The following SPATA16 variants were observed in gnomAD, a reference collection of about 807,000 sequenced individuals.
SPATA16 encodes spermatogenesis associated 16, also known as spermatogenesis-associated protein 16.
SPATA16 carries 36 observed loss-of-function variants against 63.3 expected under a neutral mutation model. The observed-to-expected ratio is 0.57, with a 90% CI of 0.44 to 0.75. SPATA16 has a LOEUF of 0.75. Among genes scored for constraint, SPATA16 ranks in the 30% least tolerant of loss-of-function variants. The pLI, the probability that SPATA16 is intolerant of heterozygous loss-of-function variation, is 0.00. For missense variants in SPATA16, 646 were observed against 679.3 expected (o/e 0.95, Z 0.54); for synonymous variants, 203 against 216.7 (o/e 0.94, Z 0.56).
intron 3 of SPATA16, among the ~76,000 whole-genome samples, chr3:173,025,651 A>G (rs570261257): frequency 1.3e-5 from 2 of 151,956 alleles, no homozygotes; most frequent in Admixed American, 6.6e-5. Context: ...CCACTGATCT[A>G]TTTTCCAAAT....
chr3:172,976,822 T>A, intron 5 of SPATA16, 146 bp downstream of exon 5: 1 of 707,048 alleles, frequency 1.4e-6, no homozygotes, highest in Non-Finnish European at 2.5e-6. Flanking sequence ...ATCTACTTCG[T>A]TATGAATACA....
intron 4 of SPATA16, among the ~76,000 whole-genome samples, chr3:172,997,247 G>A (rs1577124315): frequency 6.6e-6 from 1 of 151,954 alleles, no homozygotes; most frequent in South Asian, 2.1e-4. Flanking sequence ...GTACCATTTT[G>A]CATTCCCACC....
At chr3:173,083,759 A>G (rs555318811) in intron 2 of SPATA16, among the ~76,000 whole-genome samples, 3 of 152,164 alleles carry the variant, frequency 2.0e-5, no homozygotes, top group African/African-American at 4.8e-5. Context: ...CTATTCCTGT[A>G]TTAGTTTGCT....
At chr3:173,089,735 T>C (rs558208889) in intron 2 of SPATA16, among the ~76,000 whole-genome samples, 2 of 151,948 alleles carry the variant, frequency 1.3e-5, no homozygotes, top group Admixed American at 1.3e-4. Context: ...GAATTGGAAA[T>C]AATGGGGATG....
chr3:172,920,391 A>C (rs1024298267), intron 8 of SPATA16, among the ~76,000 whole-genome samples: 3 of 152,234 alleles, frequency 2.0e-5, no homozygotes, highest in African/African-American at 7.2e-5. Context: ...CTGTACTTTA[A>C]AAAAGATATG....
intron 1 of SPATA16, among the ~76,000 whole-genome samples, chr3:173,126,416 G>A (rs1414812295): frequency 1.3e-5 from 2 of 152,148 alleles, no homozygotes; most frequent in Non-Finnish European, 1.5e-5. Context: ...AAACATAAAT[G>A]CAATCAGCTT....
intron 10 of SPATA16, among the ~76,000 whole-genome samples, chr3:172,892,719 T>C (rs1731918340): frequency 6.6e-6 from 1 of 152,118 alleles, no homozygotes; most frequent in African/African-American, 2.4e-5. Context: ...GTAAAGCCCT[T>C]AGGAAAATAA....
At chr3:173,109,318 G>A (rs1217208296) in intron 2 of SPATA16, among the ~76,000 whole-genome samples, 2 of 152,076 alleles carry the variant, frequency 1.3e-5, no homozygotes, top group Non-Finnish European at 2.9e-5. Flanking sequence ...CCCCTGCTGT[G>A]TCAATGGCTG....
At chr3:172,957,898 G>A (rs1733638435) in intron 5 of SPATA16, among the ~76,000 whole-genome samples, 1 of 152,152 alleles carries the variant, frequency 6.6e-6, no homozygotes, top group African/African-American at 2.4e-5. Context: ...ATTTCTTAGT[G>A]ACTTCAAATG....
intron 3 of SPATA16, among the ~76,000 whole-genome samples, chr3:173,022,085 T>C (rs1735345439): frequency 6.6e-6 from 1 of 151,854 alleles, no homozygotes; most frequent in African/African-American, 2.4e-5. Flanking sequence ...GGCATCAGAG[T>C]TGCTTTGGAT....
intron 6 of SPATA16, among the ~76,000 whole-genome samples, chr3:172,949,656 T>TA (rs1210202083): frequency 1.3e-5 from 2 of 152,114 alleles, no homozygotes; most frequent in Non-Finnish European, 2.9e-5. Context: ...GTTGAGCACT[T>TA]ACCTCACTCA....
chr3:173,000,018 A>G lies in SPATA16; in HGVS notation c.848+19468T>C, dbSNP rs565092359. 1.4e-4 allele frequency among the ~76,000 whole-genome samples: 21 copies of G among 152,258 alleles called. No homozygotes were observed. The South Asian group carries it at 4.4e-3, about 32-fold the overall frequency. On this transcript the variant is annotated intron_variant, in intron 4 of 10. Coordinates refer to ENST00000351008, the MANE Select transcript of SPATA16 (RefSeq NM_031955.6). ...AGGGGTTTTCTAATCTCCAGCTATAATAGTGGATTCATGTTGAAACTTAGT... is the reference window on the plus strand; with the variant it reads ...AGGGGTTTTCTAATCTCCAGCTATAGTAGTGGATTCATGTTGAAACTTAGT...
chr3:172,916,702 A>G (rs1732498351), intron 8 of SPATA16, among the ~76,000 whole-genome samples: 3 of 152,132 alleles, frequency 2.0e-5, no homozygotes, highest in African/African-American at 7.2e-5. Context: ...AACTGTTGAG[A>G]CGGATTTGCT....
chr3:172,953,089 G>A (rs1236567144), intron 6 of SPATA16, among the ~76,000 whole-genome samples: 1 of 152,008 alleles, frequency 6.6e-6, no homozygotes, highest in Non-Finnish European at 1.5e-5. Flanking sequence ...CACAATTAGA[G>A]CTTTGGTTTT....
chr3:173,060,700 A>G (rs1219773884), intron 2 of SPATA16, among the ~76,000 whole-genome samples: 1 of 152,198 alleles, frequency 6.6e-6, no homozygotes, highest in Admixed American at 6.6e-5. Flanking sequence ...ATTTGCCCCC[A>G]TTGATAGCAG....
At chr3:172,948,235 A>G (rs1733339325) in intron 6 of SPATA16, among the ~76,000 whole-genome samples, 1 of 152,210 alleles carries the variant, frequency 6.6e-6, no homozygotes, top group Non-Finnish European at 1.5e-5. Flanking sequence ...AAAAGCAGCA[A>G]GAGAAAAGAA....
chr3:172,998,372 AT>A (rs1008208623), intron 4 of SPATA16, among the ~76,000 whole-genome samples: 2 of 152,008 alleles, frequency 1.3e-5, no homozygotes, highest in Admixed American at 1.3e-4. Context: ...AAAGTGATTG[AT>A]TTTCTGTATC....
intron 2 of SPATA16, among the ~76,000 whole-genome samples, chr3:173,073,889 A>T (rs1263598043): frequency 6.6e-6 from 1 of 152,196 alleles, no homozygotes; most frequent in African/African-American, 2.4e-5. Flanking sequence ...CTGGGAGGGA[A>T]GCTGTACCCT....
At chr3:173,031,593 T>C (rs1443001167) in intron 3 of SPATA16, among the ~76,000 whole-genome samples, 2 of 152,056 alleles carry the variant, frequency 1.3e-5, no homozygotes, top group Non-Finnish European at 2.9e-5. Flanking sequence ...CAACATGGGC[T>C]GTTGGCATAG....
Sources: gnomAD v4.1 joint callset for allele counts (sites outside exome capture counted in the v4.1 genomes callset) on GRCh38, gnomAD v4.1.1 for gene constraint, MANE v1.5 for transcripts, NCBI Gene and HGNC (gene_info 2026-07-23, HGNC 2026-07-21) for gene names.